The following KCNN1 variants were observed in gnomAD, a reference collection of about 807,000 sequenced individuals.
The protein encoded by KCNN1 is small conductance calcium-activated potassium channel protein 1.
A neutral mutation model predicts 44.7 loss-of-function variants in KCNN1; 20 were observed. That is an observed-to-expected ratio of 0.45 (90% CI 0.32 to 0.65). The LOEUF (loss-of-function observed/expected upper bound fraction) is 0.65. KCNN1 is among the 30% of genes least tolerant of loss of function. KCNN1 has a pLI of 0.05. For synonymous variants in KCNN1, 324 were observed against 341.7 expected (o/e 0.95, Z 0.57); for missense variants, 632 against 785.3 (o/e 0.80, Z 2.33).
At chr19:17,961,097 A>G (rs1428788829) in intron 2 of KCNN1, among the ~76,000 whole-genome samples, 1 of 151,046 alleles carries the variant, frequency 6.6e-6, no homozygotes, top group Admixed American at 6.6e-5. Flanking sequence ...GAGGCAGGAG[A>G]ATTGCGTGAA....
At chr19:17,961,836 G>A (rs1431943821) in intron 2 of KCNN1, among the ~76,000 whole-genome samples, 4 of 152,070 alleles carry the variant, frequency 2.6e-5, no homozygotes, top group Non-Finnish European at 2.9e-5. Flanking sequence ...TGATCCACCC[G>A]CCTCGGCCTC....
At chr19:17,970,322 T>TTTTTTTTTA (rs2031972901) in intron 1 of KCNN1, among the ~76,000 whole-genome samples, 1 of 70,174 alleles carries the variant, frequency 1.4e-5, no homozygotes, top group Admixed American at 1.4e-4. Flanking sequence ...TTTTTTTTTT[T>TTTTTTTTTA]TTTTTTTTTT....
intron 3 of KCNN1, 48 bp downstream of exon 3, chr19:17,975,235 A>G (rs1179901838): frequency 7.2e-7 from 1 of 1,382,386 alleles, no homozygotes; most frequent in Admixed American, 1.7e-5. Flanking sequence ...CAAACCCCAG[A>G]TCCCCCCACA....
intron 2 of KCNN1, among the ~76,000 whole-genome samples, chr19:17,957,232 ATGGT>A (rs2031567580): frequency 4.5e-5 from 2 of 44,696 alleles, no homozygotes; most frequent in Admixed American, 3.1e-4. Context: ...AGGGGAGGGG[ATGGT>A]GGGGAAGGGG....
At chr19:17,987,193 T>C (rs2032629537) in intron 5 of KCNN1, among the ~76,000 whole-genome samples, 1 of 151,462 alleles carries the variant, frequency 6.6e-6, no homozygotes. Context: ...CACTGCAACC[T>C]TCCCCTCCCA....
rs769476210 is a variant in KCNN1 at position 17,985,414 on chromosome 19, C to T, written c.1020C>T (p.Thr340=). 75 of 1,609,658 alleles carry T rather than the reference C, an allele frequency of 4.7e-5. 1 individual carries two copies. In the Admixed American group the frequency reaches 1.3e-3, roughly 27 times the overall value. ...SIGYGDMVPH[T]YCGKGVCLLT... is the part of the protein sequence containing the mutation. Reference sequence around the variant, plus strand: ...GCTACGGCGACATGGTGCCCCACACCTACTGCGGGAAGGGTGTGTGCCTGC... The same window carrying T: ...GCTACGGCGACATGGTGCCCCACACTTACTGCGGGAAGGGTGTGTGCCTGC... Residue 340 remains threonine, a synonymous_variant, in exon 5 of 10, where the codon ACC becomes ACT. Coordinates refer to ENST00000684775, the MANE Select transcript of KCNN1 (RefSeq NM_001386974.1).
intron 7 of KCNN1, chr19:17,990,070 A>C: frequency 1.4e-6 from 1 of 690,200 alleles, no homozygotes. Context: ...TGTATATTTT[A>C]TTCTCTGGAA....
At position 17,974,059 on chromosome 19, in the gene KCNN1, C is replaced by A; in HGVS notation, c.171C>A (p.Gly57=). 1 of 1,611,014 alleles carries A rather than the reference C, an allele frequency of 6.2e-7. No individual in the cohort carries two copies. ...AKSEPARPSP[G]SPRGQPQDQD... is the part of the protein sequence containing the mutation. ...GTGAGCCAGCCCGGCCCTCACCCGG[C>A]AGCCCCCGGGGGCAGCCCCAGGACC... Residue 57 remains glycine, a synonymous_variant, in exon 2 of 10, where the codon GGC becomes GGA. Transcript: ENST00000684775. This position sits in a 1 kb window ranked among gnomAD's most constrained non-coding sequence, Gnocchi z 7.3.
chr19:17,988,585 C>G, intron 6 of KCNN1, 60 bp downstream of exon 6: 1 of 1,218,256 alleles, frequency 8.2e-7, no homozygotes, highest in South Asian at 1.3e-5. Flanking sequence ...CGTAGAACTT[C>G]CCTGCTTTCC....
intron 9 of KCNN1, among the ~76,000 whole-genome samples, chr19:17,997,629 G>A (rs535071213): frequency 1.3e-5 from 2 of 152,070 alleles, no homozygotes; most frequent in African/African-American, 2.4e-5. Flanking sequence ...ACAGGTGCCC[G>A]CTACCACATC....
At chr19:17,995,197 G>C (rs1160918878) in intron 9 of KCNN1, among the ~76,000 whole-genome samples, 1 of 149,720 alleles carries the variant, frequency 6.7e-6, no homozygotes, top group East Asian at 1.9e-4. Flanking sequence ...TTCTGAGACA[G>C]GGTCTTGCTC....
chr19:17,993,633 C>T lies in KCNN1; in HGVS notation c.1377+74C>T, dbSNP rs1179999683. 4.0e-6 allele frequency: 5 copies of T among 1,244,654 alleles called. No homozygotes were observed. Among genetic ancestry groups the T allele is most frequent in the East Asian group, 2.3e-5 (1 of 42,982 alleles). 77.1% of individuals were successfully genotyped at this position (1,244,654 alleles called of 1,614,324 possible). ...GAGCAGATGGGATGGGGCTCAGCTC[C>T]TGCCGGAGGAGGGCACAAGGACCCG... On this transcript the variant is annotated intron_variant, in intron 9 of 9. Transcript: ENST00000684775. This position sits in a 1 kb window ranked among gnomAD's most constrained non-coding sequence, Gnocchi z 4.5.
intron 7 of KCNN1, among the ~76,000 whole-genome samples, chr19:17,991,421 A>T (rs1289038103): frequency 6.6e-6 from 1 of 152,200 alleles, no homozygotes; most frequent in Non-Finnish European, 1.5e-5. Context: ...ACTGCACTCC[A>T]GCCTGGGCCA....
At position 17,999,930 on chromosome 19, in the gene KCNN1, C is replaced by A; in HGVS notation, c.*1524C>A. ...GGTTCGAGTCCTGACTCTGCCACTG[C>A]TGGGTGACTCTGAGCAGTGGCTGCC... On this transcript the variant is annotated 3_prime_UTR_variant, in exon 10 of 10. Coordinates refer to ENST00000684775, the MANE Select transcript of KCNN1 (RefSeq NM_001386974.1). 2.2e-6 allele frequency: 1 copy of A among 455,404 alleles called. No homozygotes were observed. Among genetic ancestry groups the A allele is most frequent in the Non-Finnish European group, 4.4e-6 (1 of 226,564 alleles). The allele number at this position is 455,404 out of a possible 1,614,324, so 28.2% of individuals were successfully genotyped here. A position where few individuals can be genotyped will look rare whatever the true frequency, so the allele number is the denominator to read the frequency against.
intron 1 of KCNN1, among the ~76,000 whole-genome samples, chr19:17,970,293 T>A (rs1342024000): frequency 8.7e-5 from 1 of 11,506 alleles, no homozygotes; most frequent in Non-Finnish European, 1.5e-4. Flanking sequence ...GGAATGATTT[T>A]TTTTTTTTTT....
chr19:17,974,366 G>T lies in KCNN1; in HGVS notation c.402+76G>T, dbSNP rs2032134319. 1.4e-6 allele frequency: 2 copies of T among 1,464,058 alleles called. No individual in the cohort carries two copies. Among genetic ancestry groups the T allele is most frequent in the African/African-American group, 2.8e-5 (2 of 70,552 alleles). The allele number at this position is 1,464,058 out of a possible 1,614,324, so 90.7% of individuals were successfully genotyped here. Reference sequence around the variant, plus strand: ...CTAGCTTTCTTGACATGGGGTTGGGGGTGGCAGGGCCCCCCGGGAGATAGG... The same window carrying T: ...CTAGCTTTCTTGACATGGGGTTGGGTGTGGCAGGGCCCCCCGGGAGATAGG... On this transcript the variant is annotated intron_variant, in intron 2 of 9. Transcript: ENST00000684775. This position sits in a 1 kb window ranked among gnomAD's most constrained non-coding sequence, Gnocchi z 7.3.
At chr19:17,976,216 A>G (rs1007184213) in intron 3 of KCNN1, among the ~76,000 whole-genome samples, 3 of 151,886 alleles carry the variant, frequency 2.0e-5, no homozygotes, top group Non-Finnish European at 4.4e-5. Context: ...CTGAGGCGGG[A>G]GAATCACTTG....
At chr19:17,980,007 G>T (rs996240839) in intron 3 of KCNN1, among the ~76,000 whole-genome samples, 1 of 151,630 alleles carries the variant, frequency 6.6e-6, no homozygotes, top group African/African-American at 2.4e-5. Context: ...TTCAAAGCCA[G>T]CCTGGGCAAC....
chr19:17,953,904 TG>T (rs2031480619), intron 1 of KCNN1, among the ~76,000 whole-genome samples: 1 of 152,178 alleles, frequency 6.6e-6, no homozygotes, highest in Admixed American at 6.6e-5. Flanking sequence ...CACTCCAGCC[TG>T]GGTGACAAAA....
Sources: gnomAD v4.1 joint callset for allele counts (sites outside exome capture counted in the v4.1 genomes callset) on GRCh38, gnomAD v4.1.1 for gene constraint, Gnocchi (gnomAD v3.1) non-coding constraint, MANE v1.5 for transcripts, NCBI Gene and HGNC (gene_info 2026-07-23, HGNC 2026-07-21) for gene names.